Variants in GPR135 observed in about 807,000 individuals in gnomAD.
GPR135 encodes the protein G protein-coupled receptor 135.
GPR135 carries 17 observed loss-of-function variants against 15.0 expected under a neutral mutation model. The observed-to-expected ratio is 1.13, with a 90% CI of 0.78 to 1.70. The LOEUF (loss-of-function observed/expected upper bound fraction) is 1.70, where lower values mean the gene tolerates loss of function less well. GPR135 is among the 40% of genes most tolerant of loss of function. The pLI is 0.00. For missense variants in GPR135, 776 were observed against 727.0 expected, an observed-to-expected ratio of 1.07 and a Z score of -0.78; for synonymous variants, 368 against 349.4, an observed-to-expected ratio of 1.05 and a Z score of -0.59.
Position 59,464,548 on chromosome 14 carries a change from G to C in GPR135, c.679C>G (p.Leu227Val), listed in dbSNP as rs1482387973. The change falls in exon 1 of 1, where the codon CTG becomes GTG. Residue 227 changes from leucine (L) to valine (V), a missense_variant. Coordinates refer to ENST00000395116, the MANE Select transcript of GPR135 (RefSeq NM_022571.6). Reference sequence around the variant, plus strand: ...AGCCAGGCGCCCGCCAGCAGCTGCAGCGCGCGGCGGCGGCCGATCTTCTCC... The same window carrying C: ...AGCCAGGCGCCCGCCAGCAGCTGCACCGCGCGGCGGCGGCCGATCTTCTCC... Reference protein sequence around the residue: ...PREKIGRRRALQLLAGAWLTA... With the variant: ...PREKIGRRRAVQLLAGAWLTA... 6.4e-7 allele frequency: 1 copy of C among 1,558,196 alleles called. No homozygotes were observed. Among genetic ancestry groups the C allele is most frequent in the South Asian group, 1.2e-5 (1 of 86,216 alleles).
Position 59,464,609 on chromosome 14 carries a change from C to G in GPR135, c.618G>C (p.Ser206=), listed in dbSNP as rs111917202. 3 of 1,596,690 alleles carry G rather than the reference C, an allele frequency of 1.9e-6. No individual in the cohort carries two copies. The highest frequency in any genetic ancestry group is 1.7e-6 in the Non-Finnish European group (2 of 1,178,164). Residue 206 remains serine (S), a synonymous_variant, in exon 1 of 1, where the codon TCG becomes TCC. Transcript: ENST00000395116. ...IVSTLSVALI[S]LDRYCAIVRP... ...GCACGATAGCGCAGTAACGGTCCAA[C>G]GAGATGAGCGCCACGCTGAGCGTGG...
chr14:59,453,547 G>A (rs1224810960), intron 6 of GPR135, among the ~76,000 whole-genome samples: 1 of 152,210 alleles, frequency 6.6e-6, no homozygotes, highest in Non-Finnish European at 1.5e-5. Context: ...AGAGACCATA[G>A]GAATAGACAT....
rs1392193159 is a variant in GPR135 at position 59,464,690 on chromosome 14, G to A, written c.537C>T (p.Pro179=). The part of the protein sequence containing the change: ...GGSAPAAAAG[P]WRGFCAASRF... ...GGCTGGCGGCGCAGAAGCCGCGCCA[G>A]GGCCCCGCGGCGGCGGCAGGCGCCG... The change falls in exon 1 of 1, where the codon CCC becomes CCT. Residue 179 remains proline, a synonymous_variant. Transcript: ENST00000395116. 2 of 1,577,536 alleles carry A rather than the reference G, an allele frequency of 1.3e-6. No homozygotes were observed. Among genetic ancestry groups the A allele is most frequent in the South Asian group, 1.1e-5 (1 of 88,158 alleles).
In GPR135 at chr14:59,464,648, G is replaced by C; in HGVS notation, c.579C>G (p.Cys193Trp). 6.3e-7 allele frequency: 1 copy of C among 1,597,298 alleles called. No homozygotes were observed. Among genetic ancestry groups the C allele is most frequent in the Non-Finnish European group, 8.5e-7 (1 of 1,177,692 alleles). Residue 193 changes from cysteine to tryptophan, a missense_variant, in exon 1 of 1, where the codon TGC (cysteine) becomes TGG (tryptophan). Coordinates refer to ENST00000395116, the MANE Select transcript of GPR135 (RefSeq NM_022571.6). ...FCAASRFFSS[C>W]FGIVSTLSVA... ...CGCTGAGCGTGGACACGATGCCGAA[G>C]CACGAGCTGAAGAAGCGGCTGGCGG...
downstream of GPR135, chr14:59,459,125 A>T (rs948252314): frequency 6.6e-6 from 1 of 152,234 alleles, no homozygotes; most frequent in Non-Finnish European, 1.5e-5. Flanking sequence ...ACAATTTAAA[A>T]AGATTTAAAA....
Position 59,464,594 on chromosome 14 carries a change from G to C in GPR135, c.633C>G (p.Cys211Trp), listed in dbSNP as rs1236693913. The change falls in exon 1 of 1, where the codon TGC becomes TGG. Residue 211 changes from cysteine (C) to tryptophan (W), a missense_variant. Physicochemically the swap from Cys to Trp is radical, Grantham distance 215 (BLOSUM62 -2). Transcript: ENST00000395116. Reference sequence around the variant, plus strand: ...TCTCCCGCGGCGGCCGCACGATAGCGCAGTAACGGTCCAACGAGATGAGCG... The same window carrying C: ...TCTCCCGCGGCGGCCGCACGATAGCCCAGTAACGGTCCAACGAGATGAGCG... ...SVALISLDRY[C>W]AIVRPPREKI... 1.3e-6 allele frequency: 2 copies of C among 1,593,934 alleles called. No individual in the cohort carries two copies. Among genetic ancestry groups the C allele is most frequent in the Admixed American group, 3.4e-5 (2 of 59,386 alleles).
In GPR135 at chr14:59,465,062, C is replaced by T. The variant is rs543882151; in HGVS notation, c.165G>A (p.Leu55=). 2.6e-3 allele frequency: 3,606 copies of T among 1,363,284 alleles called. 12 individuals carry two copies. Among genetic ancestry groups the T allele is most frequent in the Non-Finnish European group, 2.8e-3 (2,960 of 1,060,182 alleles). The allele number at this position is 1,363,284 out of a possible 1,614,324, so 84.4% of individuals were successfully genotyped here. A position where few individuals can be genotyped will look rare whatever the true frequency, so the allele number is the denominator to read the frequency against. Residue 55 remains leucine, a synonymous_variant, in exon 1 of 1, where the codon CTG becomes CTA. Transcript: ENST00000395116. ...CTGTGCCGCCTCCGCTTGCGTCGCTCAGGTTCCCCAGCGCCGCGGTCGCCA... is the reference window on the plus strand; with the variant it reads ...CTGTGCCGCCTCCGCTTGCGTCGCTTAGGTTCCCCAGCGCCGCGGTCGCCA... ...STVATAALGN[L]SDASGGGTAA...
intron 6 of GPR135, among the ~76,000 whole-genome samples, chr14:59,452,941 C>A (rs542440937): frequency 6.6e-6 from 1 of 152,196 alleles, no homozygotes; most frequent in South Asian, 2.1e-4. Context: ...ATGGAGAAAC[C>A]TAAAATGCAT....
rs763579111 is a variant in GPR135 at position 59,463,926 on chromosome 14, T to C, written c.1301A>G (p.Tyr434Cys). Residue 434 changes from tyrosine to cysteine, a missense_variant, in exon 1 of 1, where the codon TAT becomes TGT. Transcript: ENST00000395116. ...ARSRSRLRNR[Y>C]ANRLGACNRM... is the part of the protein sequence containing the mutation. ...GTTGCAGGCCCCCAGCCGGTTGGCATAGCGGTTTCGAAGGCGACTGCGGCT... is the reference window on the plus strand; with the variant it reads ...GTTGCAGGCCCCCAGCCGGTTGGCACAGCGGTTTCGAAGGCGACTGCGGCT... The C allele has an allele frequency of 2.7e-5, 43 of 1,613,930 alleles. No individual in the cohort carries two copies. The highest frequency in any genetic ancestry group is 1.5e-4 in the South Asian group (14 of 91,078).
chr14:59,456,597 C>G (rs1456520523), downstream of GPR135: 1 of 152,164 alleles, frequency 6.6e-6, no homozygotes, highest in Non-Finnish European at 1.5e-5. Context: ...TGTACTTAGC[C>G]TTTGAACCAT....
Position 59,464,292 on chromosome 14 carries a change from C to T in GPR135, c.935G>A (p.Arg312Gln), listed in dbSNP as rs747413482. 3 of 1,611,874 alleles carry T rather than the reference C, an allele frequency of 1.9e-6. No individual in the cohort carries two copies. The South Asian group carries it at 3.3e-5, about 18-fold the overall frequency. Reference protein sequence around the residue: ...KTVRLSDVRVRPVNTYARVLR... With the variant: ...KTVRLSDVRVQPVNTYARVLR... ...CACGCGCGCGTAGGTGTTCACCGGC[C>T]GCACGCGCACGTCCGACAGGCGCAC... The change falls in exon 1 of 1, where the codon CGG becomes CAG. Residue 312 changes from arginine (R) to glutamine (Q), a missense_variant. Arg to Gln is a conservative substitution (Grantham distance 43, BLOSUM62 1). Transcript: ENST00000395116.
chr14:59,463,411 G>T lies in GPR135; in HGVS notation c.*331C>A, dbSNP rs1888940991. 1 of 275,844 alleles carries T rather than the reference G, an allele frequency of 3.6e-6. No homozygotes were observed. Among genetic ancestry groups the T allele is most frequent in the Admixed American group, 4.8e-5 (1 of 20,764 alleles). 17.1% of individuals were successfully genotyped at this position (275,844 alleles called of 1,614,324 possible). On this transcript the variant is annotated 3_prime_UTR_variant, in exon 1 of 1. Transcript: ENST00000395116. ...TCTGTGTAGTTGAACAATACTGGTT[G>T]CATTCAATGTTTTGTTTGTTTCACA... is the stretch of plus-strand genomic sequence containing the variant.
In GPR135 at chr14:59,464,892, A is replaced by G; in HGVS notation, c.335T>C (p.Leu112Pro). The change falls in exon 1 of 1, where the codon CTC becomes CCC. Residue 112 changes from leucine (L) to proline (P), a missense_variant. Leu to Pro is a moderately conservative substitution (Grantham distance 98). Coordinates refer to ENST00000395116, the MANE Select transcript of GPR135 (RefSeq NM_022571.6). ...AVAAQALVLL[L>P]IFLLSSLGNC... ...GCCAAGGCTAGACAGCAGGAAGATG[A>G]GCAGGAGGACGAGCGCCTGGGCCGC... 1 of 1,605,872 alleles carries G rather than the reference A, an allele frequency of 6.2e-7. No individual in the cohort carries two copies. The highest frequency in any genetic ancestry group is 8.5e-7 in the Non-Finnish European group (1 of 1,177,060).
At chr14:59,460,002 C>T (rs1888799615), downstream of GPR135, among the ~76,000 whole-genome samples, 1 of 152,114 alleles carries the variant, frequency 6.6e-6, no homozygotes, top group Admixed American at 6.5e-5. Context: ...TATCTGATGT[C>T]TTCTATTTTC....
In GPR135 at chr14:59,465,269, G is replaced by A; in HGVS notation, c.-43C>T. On this transcript the variant is annotated 5_prime_UTR_variant, in exon 1 of 1. Transcript: ENST00000395116. ...GCGGATCTCCTCATCCCGCACCGGG[G>A]GCGGCGGCCGCTAGGTCGGAGTGGT... 1 of 1,218,492 alleles carries A rather than the reference G, an allele frequency of 8.2e-7. No homozygotes were observed. The highest frequency in any genetic ancestry group is 1.0e-6 in the Non-Finnish European group (1 of 978,568). The allele number at this position is 1,218,492 out of a possible 1,614,324, so 75.5% of individuals were successfully genotyped here. A position where few individuals can be genotyped will look rare whatever the true frequency, so the allele number is the denominator to read the frequency against.
chr14:59,461,020 TC>T lies in GPR135; in HGVS notation c.*2721del, dbSNP rs1456154908. 1 of 152,264 alleles carries T rather than the reference TC, an allele frequency of 6.6e-6. No individual in the cohort carries two copies. The highest frequency in any genetic ancestry group is 1.5e-5 in the Non-Finnish European group (1 of 68,052). The allele number at this position is 152,264 out of a possible 1,614,324, so 9.4% of individuals were successfully genotyped here. Reference sequence around the variant, plus strand: ...TCATCTCTTTTCTTTGATAGCCTCTTCTGAAAGTGCTACACCTTTTCTTTTC... The same window carrying T: ...TCATCTCTTTTCTTTGATAGCCTCTTTGAAAGTGCTACACCTTTTCTTTTC... On this transcript the variant is annotated 3_prime_UTR_variant, in exon 1 of 1. Coordinates refer to ENST00000395116, the MANE Select transcript of GPR135 (RefSeq NM_022571.6).
chr14:59,454,045 T>C (rs1888574604), intron 6 of GPR135, among the ~76,000 whole-genome samples: 1 of 152,186 alleles, frequency 6.6e-6, no homozygotes, highest in Admixed American at 6.5e-5. Flanking sequence ...CTTGATTGGA[T>C]TGAAGGATAC....
chr14:59,464,603 G>A lies in GPR135; in HGVS notation c.624C>T (p.Asp208=), dbSNP rs1203446022. The A allele has an allele frequency of 1.9e-6, 3 of 1,596,350 alleles. No homozygotes were observed. Among genetic ancestry groups the A allele is most frequent in the Non-Finnish European group, 2.5e-6 (3 of 1,177,968 alleles). The change falls in exon 1 of 1, where the codon GAC becomes GAT. Residue 208 remains aspartate, a synonymous_variant. Transcript: ENST00000395116. ...GCGGCCGCACGATAGCGCAGTAACG[G>A]TCCAACGAGATGAGCGCCACGCTGA... is the stretch of plus-strand genomic sequence containing the variant. ...STLSVALISL[D]RYCAIVRPPR...
At position 59,464,619 on chromosome 14, in the gene GPR135, G is replaced by C. The variant is rs375205184; in HGVS notation, c.608C>G (p.Ala203Gly). 49 of 1,597,032 alleles carry C rather than the reference G, an allele frequency of 3.1e-5. 1 individual carries two copies. The highest frequency in any genetic ancestry group is 3.5e-5 in the Non-Finnish European group (41 of 1,178,238). The stretch of plus-strand genomic sequence containing the variant: ...GCAGTAACGGTCCAACGAGATGAGC[G>C]CCACGCTGAGCGTGGACACGATGCC... ...CFGIVSTLSVALISLDRYCAI... is the reference protein window; with the variant it reads ...CFGIVSTLSVGLISLDRYCAI... The change falls in exon 1 of 1, where the codon GCG (alanine) becomes GGG (glycine). Residue 203 changes from alanine (A) to glycine (G), a missense_variant. Transcript: ENST00000395116.
Sources: allele counts gnomAD v4.1 joint callset (sites outside exome capture counted in the v4.1 genomes callset), GRCh38; gene constraint gnomAD v4.1.1; transcripts MANE v1.5; gene names NCBI Gene and HGNC (gene_info 2026-07-23, HGNC 2026-07-21).